RAB38: variants seen among roughly 807,000 people sequenced by gnomAD.
RAB38 encodes RAB38, member RAS oncogene family.
A neutral mutation model predicts 18.4 loss-of-function variants in RAB38; 15 were observed. That is an observed-to-expected ratio of 0.82 (90% CI 0.55 to 1.26). The LOEUF is 1.26. RAB38 is among the 50% of genes most tolerant of loss of function. The probability of loss-of-function intolerance (pLI) is 0.00; values close to 1 mark genes in which losing one functional copy is unlikely to be tolerated. For missense variants in RAB38, 294 were observed against 267.4 expected, an observed-to-expected ratio of 1.10 and a Z score of -0.69; for synonymous variants, 101 against 104.4, an observed-to-expected ratio of 0.97 and a Z score of 0.20.
At chr11:88,016,814 C>T in the RAB38 span, among the ~76,000 whole-genome samples, 1 of 152,086 alleles carries the variant, frequency 6.6e-6, no homozygotes, top group African/African-American at 2.4e-5. Flanking sequence ...CCCCTAACCC[C>T]TTTGAGGACT....
chr11:87,859,283 A>C, the RAB38 span, among the ~76,000 whole-genome samples: 1 of 152,098 alleles, frequency 6.6e-6, no homozygotes, highest in Admixed American at 6.6e-5. Flanking sequence ...AGATTTTAAC[A>C]ATTTAAAATT....
the RAB38 span, among the ~76,000 whole-genome samples, chr11:87,878,129 A>G: frequency 6.7e-6 from 1 of 148,640 alleles, no homozygotes; most frequent in Admixed American, 6.8e-5. Flanking sequence ...GCCTAACTGT[A>G]AAATCTATGC....
chr11:88,025,249 T>C, the RAB38 span, among the ~76,000 whole-genome samples: 1 of 151,186 alleles, frequency 6.6e-6, no homozygotes. Context: ...ATATATATTA[T>C]ATATAGTCAC....
chr11:87,887,665 A>G, the RAB38 span, among the ~76,000 whole-genome samples: 1 of 152,004 alleles, frequency 6.6e-6, no homozygotes, highest in Admixed American at 6.6e-5. Context: ...TTGGAAGATG[A>G]TAGGATCTCA....
the RAB38 span, among the ~76,000 whole-genome samples, chr11:87,826,885 G>A: frequency 6.6e-6 from 1 of 152,228 alleles, no homozygotes; most frequent in African/African-American, 2.4e-5. Flanking sequence ...CTCAGTAGCT[G>A]GGTAAGTGAA....
the RAB38 span, among the ~76,000 whole-genome samples, chr11:88,075,110 C>T: frequency 3.3e-5 from 5 of 152,154 alleles, no homozygotes; most frequent in African/African-American, 1.2e-4. Flanking sequence ...CTGGAGACTT[C>T]AACACCATTC....
At chr11:87,952,669 A>C in the RAB38 span, among the ~76,000 whole-genome samples, 18 of 152,316 alleles carry the variant, frequency 1.2e-4, no homozygotes, top group African/African-American at 3.8e-4. Flanking sequence ...ATGGTTTCGG[A>C]CATGGTCACT....
chr11:88,146,459 A>G (rs302665), intron 2 of RAB38, among the ~76,000 whole-genome samples: 34,215 of 152,010 alleles, frequency 0.23, 4,213 homozygotes, highest in Admixed American at 0.27. Flanking sequence ...ACTGTCTAAA[A>G]GAAGGATACC....
the RAB38 span, among the ~76,000 whole-genome samples, chr11:87,918,649 A>G: frequency 1.3e-5 from 2 of 152,020 alleles, no homozygotes; most frequent in South Asian, 2.1e-4. Context: ...ATTTTTTTCC[A>G]TATACTTGTT....
At chr11:87,820,436 T>C in the RAB38 span, among the ~76,000 whole-genome samples, 20 of 152,286 alleles carry the variant, frequency 1.3e-4, no homozygotes, top group African/African-American at 4.6e-4. Context: ...AGTGTGAAAA[T>C]TGAGAAACCT....
the RAB38 span, among the ~76,000 whole-genome samples, chr11:87,926,993 G>C: frequency 6.6e-6 from 1 of 152,054 alleles, no homozygotes; most frequent in Non-Finnish European, 1.5e-5. Context: ...GGAACATGAT[G>C]ACATGTGGAC....
the RAB38 span, among the ~76,000 whole-genome samples, chr11:87,952,600 G>A: frequency 6.6e-6 from 1 of 152,128 alleles, no homozygotes; most frequent in Non-Finnish European, 1.5e-5. Flanking sequence ...ACACAAATGG[G>A]TTATACCCAC....
chr11:87,833,609 T>A, the RAB38 span, among the ~76,000 whole-genome samples: 1 of 152,216 alleles, frequency 6.6e-6, no homozygotes, highest in East Asian at 1.9e-4. Flanking sequence ...AGTAACTTAT[T>A]TAATTTTCTC....
At chr11:87,830,853 C>A in the RAB38 span, among the ~76,000 whole-genome samples, 1 of 151,966 alleles carries the variant, frequency 6.6e-6, no homozygotes, top group African/African-American at 2.4e-5. Context: ...GGCTGGGGTG[C>A]AGTGGTGTGG....
At chr11:87,856,088 G>A in the RAB38 span, among the ~76,000 whole-genome samples, 1 of 152,064 alleles carries the variant, frequency 6.6e-6, no homozygotes, top group African/African-American at 2.4e-5. Context: ...TTGTGGTAAG[G>A]GATCATCTGT....
the RAB38 span, among the ~76,000 whole-genome samples, chr11:88,062,476 G>A: frequency 9.2e-5 from 14 of 152,098 alleles, no homozygotes; most frequent in East Asian, 3.8e-4. Context: ...GTGTGAGAAC[G>A]GACTAATACA....
the RAB38 span, among the ~76,000 whole-genome samples, chr11:87,809,629 G>A: frequency 5.3e-5 from 8 of 151,952 alleles, no homozygotes; most frequent in Non-Finnish European, 7.4e-5. Flanking sequence ...CTCAAAGACA[G>A]TAGTTCTATT....
the RAB38 span, among the ~76,000 whole-genome samples, chr11:87,972,746 C>T: frequency 6.6e-6 from 1 of 151,840 alleles, no homozygotes; most frequent in Non-Finnish European, 1.5e-5. Context: ...AGTCAGAAAC[C>T]AAAATAAATA....
chr11:87,925,976 AAGC>A, the RAB38 span, among the ~76,000 whole-genome samples: 1 of 151,900 alleles, frequency 6.6e-6, no homozygotes. Flanking sequence ...TGTCTTAGTG[AAGC>A]AGGAGAGGAT....
Sources: gnomAD v4.1 joint callset for allele counts (sites outside exome capture counted in the v4.1 genomes callset) on GRCh38, gnomAD v4.1.1 for gene constraint, MANE v1.5 for transcripts, NCBI Gene and HGNC (gene_info 2026-07-23, HGNC 2026-07-21) for gene names.